Variants in SNTG2 observed in about 807,000 individuals in gnomAD.
The protein encoded by SNTG2 is syntrophin gamma 2, also known as gamma-2-syntrophin.
Under a neutral mutation model 70.9 loss-of-function variants are expected in SNTG2, and 74 were observed. The ratio of observed to expected loss-of-function variants is 1.04; its 90% CI spans 0.86 to 1.27. SNTG2 has a LOEUF of 1.27. Among genes scored for constraint, SNTG2 ranks in the 50% most tolerant of loss-of-function variants. SNTG2 has a pLI of 0.00. For synonymous variants in SNTG2, 278 were observed against 273.8 expected (o/e 1.02, Z -0.15); for missense variants, 717 against 690.7 (o/e 1.04, Z -0.43).
In SNTG2 at chr2:1,167,540, G is replaced by A. The variant is rs562019601; in HGVS notation, c.499+1905G>A. ...TGAAACCTACAGGCCGCCCACAGAC[G>A]GCAGAACTGAAACCTACAGGCCGCC... On this transcript the variant is annotated intron_variant, in intron 7 of 16. Transcript: ENST00000308624. 7.8e-3 allele frequency among the ~76,000 whole-genome samples: 1,054 copies of A among 134,366 alleles called. 7 individuals carry two copies. Among genetic ancestry groups the A allele is most frequent in the Non-Finnish European group, 0.012 (762 of 62,494 alleles). The allele number at this position is 134,366 out of a possible 152,430, so 88.1% of individuals were successfully genotyped here.
chr2:1,060,594 G>T (rs1267107505), intron 1 of SNTG2, among the ~76,000 whole-genome samples: 3 of 152,196 alleles, frequency 2.0e-5, no homozygotes, highest in Non-Finnish European at 4.4e-5. Flanking sequence ...AGAGTGACAG[G>T]TGTAAAGGGC....
intron 14 of SNTG2, among the ~76,000 whole-genome samples, chr2:1,302,445 T>C (rs905023332): frequency 2.7e-5 from 4 of 150,264 alleles, no homozygotes; most frequent in Admixed American, 1.3e-4. Flanking sequence ...ACTGTGTATA[T>C]AGAATGTGTA....
At chr2:1,346,850 A>T (rs1163537075) in intron 16 of SNTG2, among the ~76,000 whole-genome samples, 1 of 151,996 alleles carries the variant, frequency 6.6e-6, no homozygotes, top group Non-Finnish European at 1.5e-5. Flanking sequence ...GGTTTTGGGG[A>T]TTCTTTAGCT....
intron 11 of SNTG2, among the ~76,000 whole-genome samples, chr2:1,243,901 C>T (rs550538626): frequency 2.2e-4 from 33 of 152,234 alleles, no homozygotes; most frequent in Admixed American, 5.2e-4. Context: ...TGGCACGCGC[C>T]TGTAATCCCA....
chr2:1,152,681 G>A (rs572081388), intron 6 of SNTG2, among the ~76,000 whole-genome samples: 1 of 152,310 alleles, frequency 6.6e-6, no homozygotes, highest in Admixed American at 6.5e-5. Context: ...GCAAACTCCT[G>A]AGAGGATCTG....
intron 1 of SNTG2, among the ~76,000 whole-genome samples, chr2:1,034,406 A>T (rs1661016415): frequency 6.6e-6 from 1 of 152,220 alleles, no homozygotes; most frequent in Non-Finnish European, 1.5e-5. Context: ...ATAGCGCTGC[A>T]TTGAACATAT....
At chr2:1,210,924 C>T (rs1673999204) in intron 9 of SNTG2, among the ~76,000 whole-genome samples, 1 of 152,166 alleles carries the variant, frequency 6.6e-6, no homozygotes. Flanking sequence ...ATCTAGGTTT[C>T]TGTAAGTGCA....
At chr2:1,170,631 C>T (rs1218495221) in intron 7 of SNTG2, among the ~76,000 whole-genome samples, 1 of 146,814 alleles carries the variant, frequency 6.8e-6, no homozygotes, top group Non-Finnish European at 1.5e-5. Context: ...AGTCCGCCCC[C>T]AATGTCGCGG....
chr2:1,167,552 A>T (rs35335484), intron 7 of SNTG2, among the ~76,000 whole-genome samples: 1 of 67,254 alleles, frequency 1.5e-5, no homozygotes, highest in Admixed American at 1.7e-4. Flanking sequence ...CAGAACTGAA[A>T]CCTACAGGCC....
chr2:1,071,675 C>G (rs1663568095), intron 1 of SNTG2, among the ~76,000 whole-genome samples: 1 of 150,792 alleles, frequency 6.6e-6, no homozygotes, highest in Admixed American at 6.6e-5. Flanking sequence ...TAGAGAAGAT[C>G]AAGCTTAGTG....
chr2:1,361,087 C>T (rs541896756), intron 16 of SNTG2, among the ~76,000 whole-genome samples: 13 of 152,250 alleles, frequency 8.5e-5, no homozygotes, highest in Non-Finnish European at 1.9e-4. Flanking sequence ...GGCCTTTGGT[C>T]CAAGCCTCAG....
chr2:1,331,448 C>G (rs1017267021), intron 16 of SNTG2, among the ~76,000 whole-genome samples: 1 of 152,150 alleles, frequency 6.6e-6, no homozygotes, highest in Non-Finnish European at 1.5e-5. Flanking sequence ...TACAACTATC[C>G]GGGGGTGGGG....
At chr2:1,048,163 T>G (rs946232095) in intron 1 of SNTG2, among the ~76,000 whole-genome samples, 9 of 152,226 alleles carry the variant, frequency 5.9e-5, no homozygotes, top group African/African-American at 2.2e-4. Context: ...TTTCTATTGA[T>G]AAGTTTCTAC....
At chr2:1,022,697 C>G (rs1359960605) in intron 1 of SNTG2, among the ~76,000 whole-genome samples, 3 of 152,074 alleles carry the variant, frequency 2.0e-5, no homozygotes, top group Non-Finnish European at 4.4e-5. Context: ...TGATCAGGTA[C>G]ATTTTTTATT....
intron 8 of SNTG2, among the ~76,000 whole-genome samples, chr2:1,199,073 G>A (rs1477012683): frequency 6.6e-6 from 1 of 151,230 alleles, no homozygotes; most frequent in African/African-American, 2.4e-5. Context: ...AAAGGACACA[G>A]CAAAGAAAGG....
intron 4 of SNTG2, among the ~76,000 whole-genome samples, chr2:1,099,680 GT>G (rs1665653094): frequency 6.6e-6 from 1 of 151,894 alleles, no homozygotes; most frequent in Admixed American, 6.6e-5. Context: ...GGTGAGGGCA[GT>G]TGTGGTGAGG....
At position 1,221,490 on chromosome 2, in the gene SNTG2, T is replaced by C. The variant is rs1408799517; in HGVS notation, c.719+12260T>C. Among the ~76,000 whole-genome samples the C allele has an allele frequency of 1.3e-4, 8 of 59,446 alleles. 1 individual carries two copies. Among genetic ancestry groups the C allele is most frequent in the African/African-American group, 3.6e-4 (4 of 11,086 alleles). 39.0% of individuals were successfully genotyped at this position (59,446 alleles called of 152,430 possible). On this transcript the variant is annotated intron_variant, in intron 9 of 16. Transcript: ENST00000308624. ...GTCTCTCTGTCTCTCTCTCTCTCTG[T>C]CTCTCTCTGTCTCTCTCTCTCTCTC... is the stretch of plus-strand genomic sequence containing the variant.
intron 9 of SNTG2, among the ~76,000 whole-genome samples, chr2:1,216,305 GTGA>G (rs1208949347): frequency 1.3e-5 from 2 of 152,220 alleles, no homozygotes; most frequent in Non-Finnish European, 2.9e-5. Flanking sequence ...CTGATGGCCA[GTGA>G]TGATGAGCAT....
intron 8 of SNTG2, among the ~76,000 whole-genome samples, chr2:1,185,418 A>G (rs1207767838): frequency 1.3e-5 from 2 of 152,158 alleles, no homozygotes; most frequent in Non-Finnish European, 2.9e-5. Context: ...CTCCAACCGC[A>G]CATTTCCCCT....
Sources: allele counts gnomAD v4.1 joint callset (sites outside exome capture counted in the v4.1 genomes callset), GRCh38; gene constraint gnomAD v4.1.1; transcripts MANE v1.5; gene names NCBI Gene and HGNC (gene_info 2026-07-23, HGNC 2026-07-21).